Variants in ZNF257 observed in about 807,000 individuals in gnomAD.
ZNF257 encodes zinc finger protein 257.
ZNF257 carries 12 observed loss-of-function variants against 11.9 expected under a neutral mutation model. That is an observed-to-expected ratio of 1.01 (90% CI 0.65 to 1.63). ZNF257 has a LOEUF of 1.63. Ranked by LOEUF, ZNF257 falls within the 40% of genes most tolerant of loss-of-function variation. ZNF257 has a pLI of 0.00. For synonymous variants in ZNF257, 183 were observed against 222.7 expected, an observed-to-expected ratio of 0.82 and a Z score of 1.59; for missense variants, 580 against 665.5, an observed-to-expected ratio of 0.87 and a Z score of 1.41.
At chr19:22,061,064 G>C (rs539101486) in intron 1 of ZNF257, among the ~76,000 whole-genome samples, 23 of 150,850 alleles carry the variant, frequency 1.5e-4, no homozygotes, top group African/African-American at 4.6e-4. Context: ...AAGGCCTCCA[G>C]CTCTGTTCCT....
intron 3 of ZNF257, among the ~76,000 whole-genome samples, chr19:22,076,123 T>C (rs61351103): frequency 0.048 from 7,242 of 152,106 alleles, 610 homozygotes; most frequent in African/African-American, 0.17. Flanking sequence ...CTAATATAGT[T>C]ACTTACAAAT....
intron 1 of ZNF257, among the ~76,000 whole-genome samples, chr19:22,070,611 G>A (rs932672868): frequency 2.0e-5 from 3 of 152,028 alleles, no homozygotes; most frequent in Admixed American, 2.0e-4. Context: ...ATACTCTACA[G>A]AGCCAGCAAA....
chr19:22,088,573 C>T lies in ZNF257; in HGVS notation c.823C>T (p.His275Tyr), dbSNP rs930347601. 1 of 1,613,298 alleles carries T rather than the reference C, an allele frequency of 6.2e-7. No individual in the cohort carries two copies. Among genetic ancestry groups the T allele is most frequent in the Non-Finnish European group, 8.5e-7 (1 of 1,179,792 alleles). Residue 275 changes from histidine (H) to tyrosine (Y), a missense_variant, in exon 4 of 4, where the codon CAT becomes TAT. Physicochemically the swap from His to Tyr is moderately conservative, Grantham distance 83. Transcript: ENST00000594947. ...TAACCGGTCTTCACACATTACTCAACATAAGAGAATTCATAATAGAGAGAA... is the reference window on the plus strand; with the variant it reads ...TAACCGGTCTTCACACATTACTCAATATAAGAGAATTCATAATAGAGAGAA... ...AFNRSSHITQHKRIHNREKPF... is the reference protein window; with the variant it reads ...AFNRSSHITQYKRIHNREKPF...
chr19:22,068,019 A>G (rs1047947472), intron 1 of ZNF257, among the ~76,000 whole-genome samples: 25 of 151,984 alleles, frequency 1.6e-4, no homozygotes, highest in African/African-American at 5.3e-4. Flanking sequence ...TCAATAGTCA[A>G]TGTTATTTCT....
intron 3 of ZNF257, chr19:22,075,474 G>A (rs1245275640): frequency 2.6e-5 from 4 of 152,266 alleles, no homozygotes; most frequent in Admixed American, 6.5e-5. Flanking sequence ...CTGCCTGCAT[G>A]GCTGTAAACG....
intron 1 of ZNF257, among the ~76,000 whole-genome samples, chr19:22,071,607 T>G (rs913116899): frequency 1.3e-5 from 2 of 152,144 alleles, no homozygotes; most frequent in African/African-American, 4.8e-5. Context: ...TGAGTTTGTT[T>G]TAACTACTTT....
chr19:22,078,709 G>T (rs527360249), intron 3 of ZNF257, among the ~76,000 whole-genome samples: 2 of 151,420 alleles, frequency 1.3e-5, no homozygotes, highest in South Asian at 4.2e-4. Flanking sequence ...TTATGTCTGG[G>T]TATTTTATTT....
At chr19:22,070,122 TA>T (rs1238204030) in intron 1 of ZNF257, among the ~76,000 whole-genome samples, 1 of 151,606 alleles carries the variant, frequency 6.6e-6, no homozygotes, top group Non-Finnish European at 1.5e-5. Context: ...ATGGGAATAA[TA>T]AAGTATGTAT....
Position 22,088,762 on chromosome 19 carries a change from C to G in ZNF257, c.1012C>G (p.His338Asp), listed in dbSNP as rs2022547108. ...AGCCCTTACTCGACATAAGATGATT[C>G]ATACTGGAGAGAAACCCTTCCAATG... ...SSALTRHKMI[H>D]TGEKPFQCEE... Residue 338 changes from histidine (H) to aspartate (D), a missense_variant, in exon 4 of 4, where the codon CAT becomes GAT. Coordinates refer to ENST00000594947, the MANE Select transcript of ZNF257 (RefSeq NM_033468.4). 1 of 1,612,308 alleles carries G rather than the reference C, an allele frequency of 6.2e-7. No homozygotes were observed. The highest frequency in any genetic ancestry group is 8.5e-7 in the Non-Finnish European group (1 of 1,179,564).
intron 1 of ZNF257, among the ~76,000 whole-genome samples, chr19:22,057,738 T>TG (rs1361918876): frequency 6.6e-6 from 1 of 151,894 alleles, no homozygotes; most frequent in Non-Finnish European, 1.5e-5. Context: ...GTGAGGGAAA[T>TG]GGGAAATTGA....
At chr19:22,087,464 C>A in intron 3 of ZNF257, 1 of 735,622 alleles carries the variant, frequency 1.4e-6, no homozygotes, top group Non-Finnish European at 1.9e-6. Flanking sequence ...CTGTCTGCTG[C>A]TGTAACATTT....
Position 22,052,559 on chromosome 19 carries a change from C to G in ZNF257, c.-74C>G, listed in dbSNP as rs1199971672. 2 of 1,552,350 alleles carry G rather than the reference C, an allele frequency of 1.3e-6. No individual in the cohort carries two copies. Among genetic ancestry groups the G allele is most frequent in the African/African-American group, 1.4e-5 (1 of 73,370 alleles). Reference sequence around the variant, plus strand: ...GTGTCCTCTTCTCCTAGGGGCCCAGCCTCTGTGGCCCTGTGACCTGCAGGT... The same window carrying G: ...GTGTCCTCTTCTCCTAGGGGCCCAGGCTCTGTGGCCCTGTGACCTGCAGGT... On this transcript the variant is annotated 5_prime_UTR_variant, in exon 1 of 4. Coordinates refer to ENST00000594947, the MANE Select transcript of ZNF257 (RefSeq NM_033468.4).
At chr19:22,071,142 G>A (rs570379386) in intron 1 of ZNF257, among the ~76,000 whole-genome samples, 27 of 152,264 alleles carry the variant, frequency 1.8e-4, no homozygotes, top group Admixed American at 1.4e-3. Context: ...GGCATGTTCT[G>A]TTTGGGTTTG....
rs748093489 is a variant in ZNF257, at chr19:22,052,624, A to G, written c.-9A>G. ...AGCTAAGACGCCAGGTCCTCCTGGA[A>G]GCCTAGAAATGGTGAGAGTGCTGGG... On this transcript the variant is annotated 5_prime_UTR_variant, in exon 1 of 4. Transcript: ENST00000594947. The G allele has an allele frequency of 6.2e-6, 10 of 1,607,626 alleles. No individual in the cohort carries two copies. In the South Asian group the frequency reaches 6.6e-5, roughly 11 times the overall value.
intron 3 of ZNF257, among the ~76,000 whole-genome samples, chr19:22,079,154 T>C (rs138262857): frequency 8.5e-5 from 13 of 152,298 alleles, no homozygotes; most frequent in South Asian, 6.2e-4. Context: ...TGTGTGCTCA[T>C]GGCAACTTTG....
intron 1 of ZNF257, among the ~76,000 whole-genome samples, chr19:22,057,993 C>T (rs1361554859): frequency 1.3e-5 from 2 of 152,104 alleles, no homozygotes; most frequent in African/African-American, 4.8e-5. Flanking sequence ...AACTCCTGAC[C>T]TCAGGTGATC....
chr19:22,073,581 G>C lies in ZNF257; in HGVS notation c.226+17G>C. The C allele has an allele frequency of 6.2e-7, 1 of 1,606,888 alleles. No homozygotes were observed. Among genetic ancestry groups the C allele is most frequent in the African/African-American group, 1.3e-5 (1 of 74,084 alleles). On this transcript the variant is annotated intron_variant, in intron 3 of 3. Coordinates refer to ENST00000594947, the MANE Select transcript of ZNF257 (RefSeq NM_033468.4). ...AACCCCCAGGTAGGTGAGAGTGAAA[G>C]CCAGTACAACAGGTGAAACAGATGA...
chr19:22,070,079 G>A (rs1164062523), intron 1 of ZNF257, among the ~76,000 whole-genome samples: 1 of 151,836 alleles, frequency 6.6e-6, no homozygotes, highest in Non-Finnish European at 1.5e-5. Context: ...TAGAAGTGGT[G>A]CTCACAGTTT....
At chr19:22,072,660 TAA>T in intron 1 of ZNF257, 147 bp from the exon 2 acceptor site, 1 of 841,424 alleles carries the variant, frequency 1.2e-6, no homozygotes, top group Non-Finnish European at 1.8e-6. Flanking sequence ...ATTTCTGTGT[TAA>T]AAAAATATTT....
Sources: allele counts gnomAD v4.1 joint callset (sites outside exome capture counted in the v4.1 genomes callset), GRCh38; gene constraint gnomAD v4.1.1; transcripts MANE v1.5; gene names NCBI Gene and HGNC (gene_info 2026-07-23, HGNC 2026-07-21).